CCDC171: variants seen among roughly 807,000 people sequenced by gnomAD.
CCDC171 encodes coiled-coil domain containing 171, also known as coiled-coil domain-containing protein 171.
CCDC171 carries 177 observed loss-of-function variants against 168.2 expected under a neutral mutation model. The observed-to-expected ratio is 1.05, with a 90% CI of 0.93 to 1.19. CCDC171 has a LOEUF of 1.19. CCDC171 is among the 50% of genes most tolerant of loss of function. CCDC171 has a pLI of 0.00. For missense variants in CCDC171, 1,991 were observed against 1,539.0 expected, an observed-to-expected ratio of 1.29 and a Z score of -4.91; for synonymous variants, 687 against 540.8, an observed-to-expected ratio of 1.27 and a Z score of -3.75.
intron 9 of CCDC171, 48 bp from the exon 10 acceptor site, chr9:15,678,710 T>A: frequency 6.7e-7 from 1 of 1,498,808 alleles, no homozygotes; most frequent in Non-Finnish European, 9.0e-7. Flanking sequence ...TAATATCAGT[T>A]GATGTAAGCA....
chr9:15,944,369 A>T (rs1252305221), intron 25 of CCDC171, among the ~76,000 whole-genome samples: 1 of 152,002 alleles, frequency 6.6e-6, no homozygotes, highest in Admixed American at 6.6e-5. Flanking sequence ...GGACTTGTCG[A>T]TATATAGTTT....
intron 1 of CCDC171, among the ~76,000 whole-genome samples, chr9:16,057,434 G>GT (rs904209040): frequency 2.0e-5 from 3 of 152,036 alleles, no homozygotes; most frequent in South Asian, 2.1e-4. Context: ...TTTCAAGGAA[G>GT]TTTTTTTTGT....
At chr9:15,978,095 C>T (rs1443999278), downstream of CCDC171, among the ~76,000 whole-genome samples, 1 of 152,092 alleles carries the variant, frequency 6.6e-6, no homozygotes, top group Non-Finnish European at 1.5e-5. Flanking sequence ...CGTAGACACT[C>T]CCTGCAAATC....
chr9:15,771,091 C>G (rs2056989065), intron 18 of CCDC171, among the ~76,000 whole-genome samples: 1 of 152,074 alleles, frequency 6.6e-6, no homozygotes, highest in Non-Finnish European at 1.5e-5. Flanking sequence ...CTGTAATTTA[C>G]TCAGCAAATT....
chr9:15,918,356 G>A (rs953478443), intron 24 of CCDC171, among the ~76,000 whole-genome samples: 1 of 151,088 alleles, frequency 6.6e-6, no homozygotes, highest in Non-Finnish European at 1.5e-5. Context: ...TTTTATAGAG[G>A]GAGGAGATGG....
chr9:15,669,140 G>T (rs938958811), intron 9 of CCDC171, among the ~76,000 whole-genome samples: 1 of 152,044 alleles, frequency 6.6e-6, no homozygotes, highest in African/African-American at 2.4e-5. Context: ...TGTGTATATT[G>T]CAGAGTTATA....
the CCDC171 span, among the ~76,000 whole-genome samples, chr9:16,082,959 C>T: frequency 6.6e-6 from 1 of 152,190 alleles, no homozygotes; most frequent in African/African-American, 2.4e-5. Flanking sequence ...ACAAATTTTG[C>T]TGTGGACTTT....
intron 11 of CCDC171, among the ~76,000 whole-genome samples, chr9:15,701,935 G>A (rs1177555843): frequency 1.3e-5 from 2 of 152,304 alleles, no homozygotes; most frequent in African/African-American, 4.8e-5. Flanking sequence ...AGATCCATCA[G>A]AGGAATCACC....
intron 22 of CCDC171, among the ~76,000 whole-genome samples, chr9:15,847,614 A>C (rs1563862545): frequency 6.6e-6 from 1 of 152,112 alleles, no homozygotes; most frequent in Non-Finnish European, 1.5e-5. Flanking sequence ...GTAAAGAAAC[A>C]TCTAATTTTG....
At chr9:15,578,143 T>C (rs2040820095) in intron 3 of CCDC171, among the ~76,000 whole-genome samples, 1 of 152,154 alleles carries the variant, frequency 6.6e-6, no homozygotes, top group Admixed American at 6.5e-5. Context: ...ATTTAGGGAA[T>C]AGAAGGAGGA....
At chr9:15,604,677 A>G (rs2043093803) in intron 6 of CCDC171, among the ~76,000 whole-genome samples, 1 of 152,058 alleles carries the variant, frequency 6.6e-6, no homozygotes, top group Admixed American at 6.6e-5. Context: ...AAGTTATCAG[A>G]CCACCCTTAG....
intron 21 of CCDC171, among the ~76,000 whole-genome samples, chr9:15,840,325 C>A (rs1164931158): frequency 6.6e-6 from 1 of 151,998 alleles, no homozygotes; most frequent in Non-Finnish European, 1.5e-5. Flanking sequence ...CATTTAAATT[C>A]TAAATGATAG....
At chr9:15,991,033 C>A (rs984749573) in intron 3 of CCDC171, among the ~76,000 whole-genome samples, 1 of 151,974 alleles carries the variant, frequency 6.6e-6, no homozygotes, top group Admixed American at 6.6e-5. Context: ...AGAAAGTTAA[C>A]AAGGATATCC....
chr9:15,731,192 C>A (rs1379655484), intron 16 of CCDC171, among the ~76,000 whole-genome samples: 1 of 151,960 alleles, frequency 6.6e-6, no homozygotes, highest in Non-Finnish European at 1.5e-5. Flanking sequence ...TATTATTGTA[C>A]CCTTTAACCT....
intron 21 of CCDC171, among the ~76,000 whole-genome samples, chr9:15,790,758 T>C (rs1564412473): frequency 6.6e-6 from 1 of 152,226 alleles, no homozygotes; most frequent in Admixed American, 6.5e-5. Context: ...TAATCCATCT[T>C]GAATTAATTT....
At chr9:15,679,382 T>C (rs2049880271) in intron 10 of CCDC171, among the ~76,000 whole-genome samples, 1 of 152,202 alleles carries the variant, frequency 6.6e-6, no homozygotes, top group African/African-American at 2.4e-5. Context: ...CTCATCAGCA[T>C]CTCGATGTCT....
chr9:15,557,027 G>C (rs1306601705), intron 1 of CCDC171, among the ~76,000 whole-genome samples: 2 of 152,048 alleles, frequency 1.3e-5, no homozygotes, highest in Non-Finnish European at 1.5e-5. Flanking sequence ...TTTTTGTCAG[G>C]TTTGTCAAAG....
At chr9:15,752,905 A>C (rs2055852525) in intron 18 of CCDC171, among the ~76,000 whole-genome samples, 1 of 152,114 alleles carries the variant, frequency 6.6e-6, no homozygotes, top group Admixed American at 6.6e-5. Context: ...AAAAAGAAAA[A>C]GGTGATTTAT....
intron 24 of CCDC171, among the ~76,000 whole-genome samples, chr9:15,903,074 G>GCC (rs1821949200): frequency 6.6e-6 from 1 of 152,120 alleles, no homozygotes; most frequent in African/African-American, 2.4e-5. Context: ...TCAAGGAAGC[G>GCC]TGCCTGCCTC....
Sources: gnomAD v4.1 joint callset for allele counts (sites outside exome capture counted in the v4.1 genomes callset) on GRCh38, gnomAD v4.1.1 for gene constraint, MANE v1.5 for transcripts, NCBI Gene and HGNC (gene_info 2026-07-23, HGNC 2026-07-21) for gene names.